The following MN1 variants were observed in gnomAD, a reference collection of about 807,000 sequenced individuals.
The protein encoded by MN1 is MN1 proto-oncogene, transcriptional regulator.
In MN1, 19 loss-of-function variants were observed where a neutral mutation model predicts 86.9. The ratio of observed to expected loss-of-function variants is 0.22; its 90% CI spans 0.15 to 0.32. The LOEUF is 0.32. Among genes scored for constraint, MN1 ranks in the 10% least tolerant of loss-of-function variants. The pLI, the probability that MN1 is intolerant of heterozygous loss-of-function variation, is 1.00. For synonymous variants in MN1, 928 were observed against 849.6 expected, an observed-to-expected ratio of 1.09 and a Z score of -1.60; for missense variants, 1,841 against 1,862.0, an observed-to-expected ratio of 0.99 and a Z score of 0.21.
chr22:27,775,915 C>T (rs2146304173), intron 1 of MN1, among the ~76,000 whole-genome samples: 1 of 152,108 alleles, frequency 6.6e-6, no homozygotes, highest in East Asian at 1.9e-4. Flanking sequence ...GACATTTCTA[C>T]TCCCAGCCGC....
intron 1 of MN1, among the ~76,000 whole-genome samples, chr22:27,791,209 A>T (rs1376480685): frequency 6.6e-6 from 1 of 152,062 alleles, no homozygotes; most frequent in Admixed American, 6.5e-5. Context: ...CACCCACCTC[A>T]GCTGTGCTCT....
intron 1 of MN1, among the ~76,000 whole-genome samples, chr22:27,778,740 T>G (rs1933011888): frequency 1.3e-5 from 2 of 152,144 alleles, no homozygotes; most frequent in African/African-American, 4.8e-5. Flanking sequence ...CTGACTCCAA[T>G]GCCTAGCCAT....
intron 1 of MN1, among the ~76,000 whole-genome samples, chr22:27,788,167 C>T (rs1054136455): frequency 6.6e-6 from 1 of 152,196 alleles, no homozygotes; most frequent in Admixed American, 6.5e-5. Flanking sequence ...CTCATGTTGA[C>T]GCATTTCTCC....
chr22:27,756,190 A>G (rs1932801150), intron 1 of MN1, among the ~76,000 whole-genome samples: 1 of 152,174 alleles, frequency 6.6e-6, no homozygotes, highest in African/African-American at 2.4e-5. Context: ...AATGGAAAAG[A>G]GGGGACGTTT....
rs763196629 is a variant in MN1, at chr22:27,799,144, A to C, written c.1400T>G (p.Val467Gly). 2.5e-6 allele frequency: 4 copies of C among 1,604,334 alleles called. No homozygotes were observed. Among genetic ancestry groups the C allele is most frequent in the Non-Finnish European group, 3.4e-6 (4 of 1,173,138 alleles). The change falls in exon 1 of 2, where the codon GTG becomes GGG. Residue 467 changes from valine (V) to glycine (G), a missense_variant. Val to Gly is a moderately radical substitution (Grantham distance 109). Coordinates refer to ENST00000302326, the MANE Select transcript of MN1 (RefSeq NM_002430.3). The stretch of plus-strand genomic sequence containing the variant: ...GCCGTTCCACGAAGCGCAGCGGTCC[A>C]CTCCCGCGCTGCCCGGAAAGTCGAA... ...PRFDFPGSAG[V>G]DRCASWNGSM... is the part of the protein sequence containing the mutation.
At position 27,750,984 on chromosome 22, in the gene MN1, C is replaced by T. The variant is rs1932758801; in HGVS notation, c.3894G>A (p.Val1298=). The change falls in exon 2 of 2, where the codon GTG becomes GTA. Residue 1298 remains valine (V), a synonymous_variant. Coordinates refer to ENST00000302326, the MANE Select transcript of MN1 (RefSeq NM_002430.3). ...CAGAATGCAGGGACCGCCAGGTGGG[C>T]ACGGAGGCTCGAGCCTTGGCGTCAC... is the stretch of plus-strand genomic sequence containing the variant. ...DVGDAKARAS[V]PTWRSLHSDI... is the part of the protein sequence containing the mutation. 1 of 1,612,912 alleles carries T rather than the reference C, an allele frequency of 6.2e-7. No individual in the cohort carries two copies. The highest frequency in any genetic ancestry group is 1.1e-5 in the South Asian group (1 of 90,958).
chr22:27,785,056 C>CCACACACACACACA lies in MN1; in HGVS notation c.3781+11693_3781+11706dup, dbSNP rs57257445. Among the ~76,000 whole-genome samples the CCACACACACACACA allele has an allele frequency of 1.6e-3, 232 of 144,912 alleles. 1 individual carries two copies. The highest frequency in any genetic ancestry group is 4.5e-3 in the East Asian group (22 of 4,858). On this transcript the variant is annotated intron_variant, in intron 1 of 1. Transcript: ENST00000302326. ...ATATAGATGTGCGTGCTGGCATCCG[C>CCACACACACACACA]CACACACACACACACACACACACAC...
At chr22:27,790,937 T>G (rs1314010048) in intron 1 of MN1, among the ~76,000 whole-genome samples, 1 of 152,164 alleles carries the variant, frequency 6.6e-6, no homozygotes, top group African/African-American at 2.4e-5. Flanking sequence ...GGACTCACGC[T>G]CATTCAGTCC....
chr22:27,765,423 G>A lies in MN1; in HGVS notation c.3782-14327C>T, dbSNP rs111885150. Among the ~76,000 whole-genome samples the A allele has an allele frequency of 0.027, 622 of 22,888 alleles. 19 individuals are homozygous for A. In the East Asian group the frequency reaches 0.29, roughly 11 times the overall value. 15.0% of individuals were successfully genotyped at this position (22,888 alleles called of 152,430 possible). On this transcript the variant is annotated intron_variant, in intron 1 of 1. Coordinates refer to ENST00000302326, the MANE Select transcript of MN1 (RefSeq NM_002430.3). Reference sequence around the variant, plus strand: ...GAGGGTTGCTGTTAGAAAAAAAAAAGTCATTCCAGAACACAGCCACAAAAA... The same window carrying A: ...GAGGGTTGCTGTTAGAAAAAAAAAAATCATTCCAGAACACAGCCACAAAAA...
intron 1 of MN1, among the ~76,000 whole-genome samples, chr22:27,754,790 G>A (rs1601321661): frequency 6.6e-6 from 1 of 152,284 alleles, no homozygotes; most frequent in African/African-American, 2.4e-5. Context: ...AGGACCCAGA[G>A]ATAAAACCAC....
intron 1 of MN1, among the ~76,000 whole-genome samples, chr22:27,765,931 G>A (rs1024194531): frequency 6.6e-6 from 1 of 152,112 alleles, no homozygotes; most frequent in Non-Finnish European, 1.5e-5. Flanking sequence ...AAGCCCCCGG[G>A]GTGCCTGTGC....
rs1337449485 is a variant in MN1 at position 27,748,725 on chromosome 22, A to T, written c.*2190T>A. 1 of 219,950 alleles carries T rather than the reference A, an allele frequency of 4.5e-6. No homozygotes were observed. The highest frequency in any genetic ancestry group is 9.1e-6 in the Non-Finnish European group (1 of 109,458). The allele number at this position is 219,950 out of a possible 1,614,324, so 13.6% of individuals were successfully genotyped here. A position where few individuals can be genotyped will look rare whatever the true frequency, so the allele number is the denominator to read the frequency against. On this transcript the variant is annotated 3_prime_UTR_variant, in exon 2 of 2. Transcript: ENST00000302326. ...CATTCTGGGGTCGTGGGGAGCGAGA[A>T]AGTTTTTAAAACTTCAGGGGTTTCT...
intron 1 of MN1, among the ~76,000 whole-genome samples, chr22:27,762,712 G>A (rs1289781702): frequency 6.6e-6 from 1 of 151,882 alleles, no homozygotes; most frequent in South Asian, 2.1e-4. Flanking sequence ...CTAAACACCA[G>A]GGCTGACACC....
In MN1 at chr22:27,748,381, A is replaced by T. The variant is rs1021696020; in HGVS notation, c.*2534T>A. The T allele has an allele frequency of 6.6e-5, 12 of 181,272 alleles. No individual in the cohort carries two copies. The highest frequency in any genetic ancestry group is 1.2e-4 in the African/African-American group (5 of 42,236). 11.2% of individuals were successfully genotyped at this position (181,272 alleles called of 1,614,324 possible). On this transcript the variant is annotated 3_prime_UTR_variant, in exon 2 of 2. Transcript: ENST00000302326. ...AAGACTGCACTTTACATATTTTTTT[A>T]AAAAAGAAAGAAAAAAATAACACTC...
chr22:27,749,413 C>T lies in MN1; in HGVS notation c.*1502G>A, dbSNP rs993012903. On this transcript the variant is annotated 3_prime_UTR_variant, in exon 2 of 2. Transcript: ENST00000302326. Reference sequence around the variant, plus strand: ...ACTGAAATTAAATAGATAACCATCACGGTTATATATTTGGGTGAAGTGATA... The same window carrying T: ...ACTGAAATTAAATAGATAACCATCATGGTTATATATTTGGGTGAAGTGATA... 1.3e-5 allele frequency: 3 copies of T among 231,360 alleles called. No individual in the cohort carries two copies. The highest frequency in any genetic ancestry group is 2.6e-5 in the Non-Finnish European group (3 of 117,000). 14.3% of individuals were successfully genotyped at this position (231,360 alleles called of 1,614,324 possible). A position where few individuals can be genotyped will look rare whatever the true frequency, so the allele number is the denominator to read the frequency against.
Position 27,799,255 on chromosome 22 carries a change from T to G in MN1, c.1289A>C (p.Gln430Pro). The change falls in exon 1 of 2, where the codon CAG (glutamine) becomes CCG (proline). Residue 430 changes from glutamine (Q) to proline (P), a missense_variant. By Grantham distance (76) the Gln-to-Pro change is moderately conservative. Transcript: ENST00000302326. ...GGGCGCCTGCTGCGGAGGAGGATGC[T>G]GCATGCTGAAAACAGGCTCGGAATA... ...HPYSEPVFSMQHPPPQQAPNQ... is the reference protein window; with the variant it reads ...HPYSEPVFSMPHPPPQQAPNQ... The G allele has an allele frequency of 6.3e-7, 1 of 1,584,294 alleles. No homozygotes were observed. Among genetic ancestry groups the G allele is most frequent in the Non-Finnish European group, 8.6e-7 (1 of 1,163,380 alleles).
intron 1 of MN1, 64 bp from the exon 2 acceptor site, chr22:27,751,160 G>A (rs1400260192): frequency 1.4e-6 from 2 of 1,426,542 alleles, no homozygotes; most frequent in East Asian, 2.5e-5. Context: ...CACCATAATG[G>A]GGGCCAAAGT....
In MN1 at chr22:27,793,942, G is replaced by A. The variant is rs575887599; in HGVS notation, c.3781+2821C>T. On this transcript the variant is annotated intron_variant, in intron 1 of 1. Transcript: ENST00000302326. ...CATTAGTACTGGCATGTTTTACGGC[G>A]TGACAAAATAAAATATCATTACAAA... Among the ~76,000 whole-genome samples the A allele has an allele frequency of 5.3e-5, 8 of 152,188 alleles. 1 individual carries two copies. The highest frequency in any genetic ancestry group is 1.9e-4 in the East Asian group (1 of 5,186).
chr22:27,754,584 C>T (rs1057182366), intron 1 of MN1, among the ~76,000 whole-genome samples: 3 of 152,226 alleles, frequency 2.0e-5, no homozygotes, highest in African/African-American at 4.8e-5. Context: ...CCAAGCATGA[C>T]CAAACTCATC....
Sources: allele counts gnomAD v4.1 joint callset (sites outside exome capture counted in the v4.1 genomes callset), GRCh38; gene constraint gnomAD v4.1.1; transcripts MANE v1.5; gene names NCBI Gene and HGNC (gene_info 2026-07-23, HGNC 2026-07-21).